Variants in LARP6 observed in about 807,000 individuals in gnomAD.
LARP6 encodes the protein la-related protein 6.
A neutral mutation model predicts 32.8 loss-of-function variants in LARP6; 18 were observed. That is an observed-to-expected ratio of 0.55 (90% CI 0.38 to 0.81). LARP6 has a LOEUF of 0.81. LARP6 is among the 40% of genes least tolerant of loss of function. The pLI, the probability that LARP6 is intolerant of heterozygous loss-of-function variation, is 0.00. For synonymous variants in LARP6, 289 were observed against 267.2 expected (o/e 1.08, Z -0.80); for missense variants, 598 against 663.1 (o/e 0.90, Z 1.08).
At chr15:70,852,328 C>T (rs1429648427) in intron 1 of LARP6, 1 of 454,874 alleles carries the variant, frequency 2.2e-6, no homozygotes, top group African/African-American at 2.0e-5. Flanking sequence ...GGGAGCTGGG[C>T]AGTTCTGGAG....
At chr15:70,833,223 C>T in intron 2 of LARP6, 107 bp from the exon 3 acceptor site, 2 of 863,564 alleles carry the variant, frequency 2.3e-6, no homozygotes, top group South Asian at 3.1e-5. Context: ...CACTAGAATC[C>T]CTGTATTCTA....
intron 1 of LARP6, among the ~76,000 whole-genome samples, chr15:70,845,054 T>C (rs1214316288): frequency 6.6e-6 from 1 of 152,172 alleles, no homozygotes; most frequent in Non-Finnish European, 1.5e-5. Flanking sequence ...GTTGTGAAAA[T>C]TGTACAGAGA....
chr15:70,836,638 CAATT>C (rs2032153813), intron 1 of LARP6, 133 bp from the exon 2 acceptor site: 4 of 697,162 alleles, frequency 5.7e-6, no homozygotes, highest in Admixed American at 2.5e-5. Flanking sequence ...ACTGCAGATG[CAATT>C]AATTAAGATG....
chr15:70,847,030 A>C (rs1362894639), intron 1 of LARP6, among the ~76,000 whole-genome samples: 1 of 152,236 alleles, frequency 6.6e-6, no homozygotes, highest in East Asian at 1.9e-4. Flanking sequence ...AGTAGAACTC[A>C]AGCTGGTTTC....
In LARP6 at chr15:70,852,769, T is replaced by C. The variant is rs572644509; in HGVS notation, c.200+1120A>G. ...GGGCTGACTTTTCTCCCCTAACAAC[T>C]GTCTCTACTGGTCTGCCCCGAATCT... On this transcript the variant is annotated intron_variant, in intron 1 of 2. Transcript: ENST00000299213. Among the ~76,000 whole-genome samples the C allele has an allele frequency of 2.0e-5, 3 of 152,332 alleles. No homozygotes were observed. In the South Asian group the frequency reaches 6.2e-4, roughly 32 times the overall value.
At chr15:70,842,546 G>A (rs189036101) in intron 1 of LARP6, among the ~76,000 whole-genome samples, 143 of 152,168 alleles carry the variant, frequency 9.4e-4, no homozygotes, top group African/African-American at 3.3e-3. Flanking sequence ...TTTCCACTAG[G>A]ACAATCTGAT....
chr15:70,834,461 G>A (rs1411630530), intron 2 of LARP6, among the ~76,000 whole-genome samples: 1 of 152,244 alleles, frequency 6.6e-6, no homozygotes, highest in Non-Finnish European at 1.5e-5. Flanking sequence ...GTGGCTCACT[G>A]TGGGGTGAAA....
At chr15:70,843,649 CTTTTTTT>C (rs67996815) in intron 1 of LARP6, among the ~76,000 whole-genome samples, 1 of 80,590 alleles carries the variant, frequency 1.2e-5, no homozygotes, top group Non-Finnish European at 2.3e-5. Flanking sequence ...GTTTTGGTGT[CTTTTTTT>C]TTTTTTTTTT....
At chr15:70,852,393 C>T (rs1314780503) in intron 1 of LARP6, 1 of 401,770 alleles carries the variant, frequency 2.5e-6, no homozygotes, top group African/African-American at 2.1e-5. Context: ...CTTGGTTTCT[C>T]CTAGACCTCC....
In LARP6 at chr15:70,832,792, T is replaced by C; in HGVS notation, c.736A>G (p.Ile246Val). Residue 246 changes from isoleucine (I) to valine (V), a missense_variant, in exon 3 of 3, where the codon ATC becomes GTC. By Grantham distance (29) the Ile-to-Val change is conservative. Transcript: ENST00000299213. Reference protein sequence around the residue: ...GRELPPDIRRISSRYSQVGTQ... With the variant: ...GRELPPDIRRVSSRYSQVGTQ... Reference sequence around the variant, plus strand: ...CCCACTTGGCTGTAGCGGCTGCTGATCCTCCGGATGTCAGGGGGCAGCTCT... The same window carrying C: ...CCCACTTGGCTGTAGCGGCTGCTGACCCTCCGGATGTCAGGGGGCAGCTCT... 6.2e-7 allele frequency: 1 copy of C among 1,610,558 alleles called. No individual in the cohort carries two copies. Among genetic ancestry groups the C allele is most frequent in the South Asian group, 1.1e-5 (1 of 90,446 alleles).
rs185948793 is a variant in LARP6 at position 70,836,642 on chromosome 15, T to G, written c.201-137A>C. On this transcript the variant is annotated intron_variant, in intron 1 of 2. Transcript: ENST00000299213. ...AAATGGGGGTCACTGCAGATGCAAT[T>G]AATTAAGATGAGGTCTTACTGGAGT... is the stretch of plus-strand genomic sequence containing the variant. 541 of 684,210 alleles carry G rather than the reference T, an allele frequency of 7.9e-4. 3 individuals are homozygous for G. Among genetic ancestry groups the G allele is most frequent in the Middle Eastern group, 2.9e-3 (7 of 2,436 alleles). The allele number at this position is 684,210 out of a possible 1,614,324, so 42.4% of individuals were successfully genotyped here.
At chr15:70,847,721 T>C (rs1448973578) in intron 1 of LARP6, among the ~76,000 whole-genome samples, 1 of 152,130 alleles carries the variant, frequency 6.6e-6, no homozygotes, top group Admixed American at 6.5e-5. Flanking sequence ...ACTTTTTTCA[T>C]AAAATATCGA....
Position 70,836,508 on chromosome 15 carries a change from G to A in LARP6, c.201-3C>T. On this transcript the variant is annotated splice_polypyrimidine_tract_variant and splice_region_variant and intron_variant, in intron 1 of 2. Transcript: ENST00000299213. ...CACCTCCACTTGCAGTGGTGCCACT[G>A]AGACCAGAAGGAGACACCGGGTGTT... is the stretch of plus-strand genomic sequence containing the variant. 1 of 1,613,476 alleles carries A rather than the reference G, an allele frequency of 6.2e-7. No individual in the cohort carries two copies. The highest frequency in any genetic ancestry group is 1.3e-5 in the African/African-American group (1 of 75,036).
chr15:70,846,088 C>T (rs2032340979), intron 1 of LARP6, among the ~76,000 whole-genome samples: 1 of 152,102 alleles, frequency 6.6e-6, no homozygotes, highest in African/African-American at 2.4e-5. Context: ...GCCCTTTTTA[C>T]TCCTGCATCT....
rs1342103711 is a variant in LARP6 at position 70,829,852 on chromosome 15, T to G, written c.*2200A>C. 3 of 152,240 alleles carry G rather than the reference T, an allele frequency of 2.0e-5. No individual in the cohort carries two copies. Among genetic ancestry groups the G allele is most frequent in the Non-Finnish European group, 2.9e-5 (2 of 68,036 alleles). The allele number at this position is 152,240 out of a possible 1,614,324, so 9.4% of individuals were successfully genotyped here. A position where few individuals can be genotyped will look rare whatever the true frequency, so the allele number is the denominator to read the frequency against. On this transcript the variant is annotated 3_prime_UTR_variant, in exon 3 of 3. Transcript: ENST00000299213. ...GTGTAGGTATTTTTAAAAGTAACTA[T>G]GATCCACGAGGGTTAATCTAAAAAT...
chr15:70,836,029 G>C (rs2032141050), intron 2 of LARP6, among the ~76,000 whole-genome samples: 1 of 152,178 alleles, frequency 6.6e-6, no homozygotes, highest in Non-Finnish European at 1.5e-5. Flanking sequence ...AAAAGTGCCT[G>C]AACTTTACTA....
At chr15:70,839,081 G>A (rs998759388) in intron 1 of LARP6, among the ~76,000 whole-genome samples, 1 of 152,122 alleles carries the variant, frequency 6.6e-6, no homozygotes, top group African/African-American at 2.4e-5. Context: ...AAGAGTTTTA[G>A]CTATTTGCCT....
At chr15:70,838,571 G>C (rs2032190754) in intron 1 of LARP6, among the ~76,000 whole-genome samples, 2 of 152,078 alleles carry the variant, frequency 1.3e-5, no homozygotes, top group Admixed American at 6.6e-5. Flanking sequence ...AGCACCACCT[G>C]GGTAGACTTC....
intron 2 of LARP6, among the ~76,000 whole-genome samples, chr15:70,835,095 C>A (rs2141049715): frequency 1.3e-5 from 2 of 152,262 alleles, no homozygotes; most frequent in South Asian, 4.1e-4. Context: ...ATTTTGGGAT[C>A]CCCCACAAAC....
Sources: allele counts gnomAD v4.1 joint callset (sites outside exome capture counted in the v4.1 genomes callset), GRCh38; gene constraint gnomAD v4.1.1; transcripts MANE v1.5; gene names NCBI Gene and HGNC (gene_info 2026-07-23, HGNC 2026-07-21).